Variants in KAT6B observed in about 807,000 individuals in gnomAD.
The protein encoded by KAT6B is histone acetyltransferase KAT6B.
In KAT6B, 10 loss-of-function variants were observed where a neutral mutation model predicts 187.5. The ratio of observed to expected loss-of-function variants is 0.05; its 90% CI spans 0.03 to 0.09. KAT6B has a LOEUF of 0.09. Among genes scored for constraint, KAT6B ranks in the 10% least tolerant of loss-of-function variants. The pLI is 1.00. For missense variants in KAT6B, 1,952 were observed against 2,558.9 expected (o/e 0.76, Z 5.12); for synonymous variants, 861 against 926.8 (o/e 0.93, Z 1.29).
rs781438179 is a variant in KAT6B, at chr10:75,030,367, C to T, written c.5543C>T (p.Ser1848Phe). Residue 1848 changes from serine to phenylalanine, a missense_variant, in exon 18 of 18, where the codon TCT becomes TTT. Coordinates refer to ENST00000287239, the MANE Select transcript of KAT6B (RefSeq NM_012330.4). The surrounding 1 kb of genome is among the most constrained non-coding windows in gnomAD (Gnocchi z 4.8). ...GTGACTTCCTATGCAAACAGTGCCTCTTTGTCCACACCATTAAGTAACACA... is the reference window on the plus strand; with the variant it reads ...GTGACTTCCTATGCAAACAGTGCCTTTTTGTCCACACCATTAAGTAACACA... ...AAVTSYANSASLSTPLSNTGL... is the reference protein window; with the variant it reads ...AAVTSYANSAFLSTPLSNTGL... 1 of 1,614,242 alleles carries T rather than the reference C, an allele frequency of 6.2e-7. No homozygotes were observed. Among genetic ancestry groups the T allele is most frequent in the Non-Finnish European group, 8.5e-7 (1 of 1,180,050 alleles).
intron 3 of KAT6B, among the ~76,000 whole-genome samples, chr10:74,886,398 T>C (rs1845269807): frequency 6.6e-6 from 1 of 152,224 alleles, no homozygotes; most frequent in African/African-American, 2.4e-5. Context: ...CACCCCCACC[T>C]GCATCCCAGG....
chr10:75,011,181 CTATT>C (rs948278989), intron 13 of KAT6B, among the ~76,000 whole-genome samples: 19 of 152,068 alleles, frequency 1.2e-4, no homozygotes, highest in African/African-American at 4.6e-4. Flanking sequence ...ATTTCAAAAA[CTATT>C]TCTTTTTTTA....
At chr10:74,986,109 T>TG (rs1564606872) in intron 12 of KAT6B, among the ~76,000 whole-genome samples, 1 of 151,878 alleles carries the variant, frequency 6.6e-6, no homozygotes, top group African/African-American at 2.4e-5. Flanking sequence ...GCTGTTAGAG[T>TG]GGGGAAAACA....
chr10:74,966,005 G>A lies in KAT6B; in HGVS notation c.731-3655G>A, dbSNP rs1841441724. 2.0e-5 allele frequency among the ~76,000 whole-genome samples: 3 copies of A among 151,908 alleles called. No homozygotes were observed. The South Asian group carries it at 6.3e-4, about 32-fold the overall frequency. ...CCGCCTTGGCCTCCCAAAGTTCTGG[G>A]AAGGAGAGGATCCATGTTCTTATCC... On this transcript the variant is annotated intron_variant, in intron 4 of 17. Coordinates refer to ENST00000287239, the MANE Select transcript of KAT6B (RefSeq NM_012330.4).
At chr10:74,897,903 G>A (rs1378023951) in intron 3 of KAT6B, among the ~76,000 whole-genome samples, 1 of 152,084 alleles carries the variant, frequency 6.6e-6, no homozygotes, top group Non-Finnish European at 1.5e-5. Context: ...AAACGCCATA[G>A]GCAATTAGCT....
At chr10:74,947,980 T>C (rs1364593513) in intron 3 of KAT6B, among the ~76,000 whole-genome samples, 1 of 152,178 alleles carries the variant, frequency 6.6e-6, no homozygotes, top group African/African-American at 2.4e-5. Context: ...TTAGAAACTC[T>C]GCCACAAAGG....
At chr10:74,969,447 C>T (rs905832283) in intron 4 of KAT6B, among the ~76,000 whole-genome samples, 1 of 152,098 alleles carries the variant, frequency 6.6e-6, no homozygotes, top group Non-Finnish European at 1.5e-5. Flanking sequence ...GGAAAACATT[C>T]GTACAGTCAT....
intron 3 of KAT6B, among the ~76,000 whole-genome samples, chr10:74,899,107 G>A (rs1406022834): frequency 6.6e-6 from 1 of 150,962 alleles, no homozygotes; most frequent in African/African-American, 2.4e-5. Context: ...GTTGCAGTGA[G>A]CTGAGATTGC....
At chr10:74,893,676 G>T (rs1349936029) in intron 3 of KAT6B, among the ~76,000 whole-genome samples, 1 of 151,216 alleles carries the variant, frequency 6.6e-6, no homozygotes, top group African/African-American at 2.4e-5. Flanking sequence ...CACCATATTG[G>T]CCAGGCTAGT....
In KAT6B at chr10:74,982,274, A is replaced by G. The variant is rs181280508; in HGVS notation, c.2373+346A>G. On this transcript the variant is annotated intron_variant, in intron 11 of 17. Coordinates refer to ENST00000287239, the MANE Select transcript of KAT6B (RefSeq NM_012330.4). Reference sequence around the variant, plus strand: ...GAGCTTTGTTCAGCAGCTCCAGCCAATGTCTGGCAGGTGCTCACTCTTCCA... The same window carrying G: ...GAGCTTTGTTCAGCAGCTCCAGCCAGTGTCTGGCAGGTGCTCACTCTTCCA... The G allele has an allele frequency of 1.1e-4, 35 of 320,548 alleles. No individual in the cohort carries two copies. In the Admixed American group the frequency reaches 1.5e-3, roughly 14 times the overall value. 19.9% of individuals were successfully genotyped at this position (320,548 alleles called of 1,614,324 possible). A position where few individuals can be genotyped will look rare whatever the true frequency, so the allele number is the denominator to read the frequency against.
At chr10:74,824,970 AG>A (rs1451333093), upstream of KAT6B, among the ~76,000 whole-genome samples, 1 of 150,644 alleles carries the variant, frequency 6.6e-6, no homozygotes, top group Non-Finnish European at 1.5e-5. Flanking sequence ...CCTCGCAGGC[AG>A]GGAGAGAGCA....
At chr10:75,013,967 G>C (rs138404180) in intron 13 of KAT6B, among the ~76,000 whole-genome samples, 1 of 152,312 alleles carries the variant, frequency 6.6e-6, no homozygotes, top group East Asian at 1.9e-4. Context: ...AAATACGGGT[G>C]CCCTGTTACC....
rs1404804685 is a variant in KAT6B at position 74,945,520 on chromosome 10, G to C, written c.622-14450G>C. 2.6e-5 allele frequency among the ~76,000 whole-genome samples: 4 copies of C among 152,168 alleles called. No individual in the cohort carries two copies. In the East Asian group the frequency reaches 7.7e-4, roughly 29 times the overall value. ...ACTCTGTCATCCAGGCTGGAGTGCA[G>C]TGGTGCATCTTGGCTCACTGCAACC... On this transcript the variant is annotated intron_variant, in intron 3 of 17. Transcript: ENST00000287239.
chr10:75,028,830 A>T lies in KAT6B; in HGVS notation c.4006A>T (p.Asn1336Tyr). Residue 1336 changes from asparagine (N) to tyrosine (Y), a missense_variant, in exon 18 of 18, where the codon AAC becomes TAC. Physicochemically the swap from Asn to Tyr is moderately radical, Grantham distance 143. This residue lies in a region of KAT6B where 758 missense variants were observed against 891.4 expected (regional missense o/e 0.85). Coordinates refer to ENST00000287239, the MANE Select transcript of KAT6B (RefSeq NM_012330.4). The stretch of plus-strand genomic sequence containing the variant: ...AGAAACATGTGCCCCTGTAAGTCCA[A>T]ACACATCACCAGGTGAAAAACCAGA... ...REETCAPVSP[N>Y]TSPGEKPEDD... The T allele has an allele frequency of 6.2e-7, 1 of 1,614,146 alleles. No homozygotes were observed. The highest frequency in any genetic ancestry group is 8.5e-7 in the Non-Finnish European group (1 of 1,180,042).
In KAT6B at chr10:74,987,906, A is replaced by G. The variant is rs530437268; in HGVS notation, c.2536-1113A>G. ...CGAATTACTTGAACCTTTGCCATTGATGTGCACATCCAGTGAGGGACAATT... is the reference window on the plus strand; with the variant it reads ...CGAATTACTTGAACCTTTGCCATTGGTGTGCACATCCAGTGAGGGACAATT... On this transcript the variant is annotated intron_variant, in intron 12 of 17. Transcript: ENST00000287239. Among the ~76,000 whole-genome samples the G allele has an allele frequency of 2.3e-4, 35 of 152,330 alleles. No individual in the cohort carries two copies. In the South Asian group the frequency reaches 6.4e-3, roughly 28 times the overall value.
At chr10:74,912,995 A>G (rs371520529) in intron 3 of KAT6B, among the ~76,000 whole-genome samples, 4 of 152,322 alleles carry the variant, frequency 2.6e-5, no homozygotes, top group East Asian at 3.9e-4. Flanking sequence ...CTAACTGTCA[A>G]TGGTAGTTAT....
At chr10:74,898,765 G>C (rs575262474) in intron 3 of KAT6B, among the ~76,000 whole-genome samples, 6 of 152,042 alleles carry the variant, frequency 3.9e-5, no homozygotes, top group Non-Finnish European at 2.9e-5. Context: ...AGACAGTTCT[G>C]TGCTTACAGT....
At chr10:74,941,475 C>T (rs911456185) in intron 3 of KAT6B, among the ~76,000 whole-genome samples, 1 of 152,006 alleles carries the variant, frequency 6.6e-6, no homozygotes. Flanking sequence ...TTATCAGTAA[C>T]AGGAATGGGA....
At chr10:74,980,968 T>C (rs912787907) in intron 10 of KAT6B, among the ~76,000 whole-genome samples, 25 of 152,252 alleles carry the variant, frequency 1.6e-4, no homozygotes, top group African/African-American at 4.8e-5. Flanking sequence ...TTGAGGACTT[T>C]TCAGCCTCAT....
Sources: allele counts gnomAD v4.1 joint callset (sites outside exome capture counted in the v4.1 genomes callset), GRCh38; gene constraint gnomAD v4.1.1; regional missense constraint gnomAD v4.1.1; non-coding constraint Gnocchi (gnomAD v3.1); transcripts MANE v1.5; gene names NCBI Gene and HGNC (gene_info 2026-07-23, HGNC 2026-07-21).